Variants in ASAP1 observed in about 807,000 individuals in gnomAD.
ASAP1 encodes the protein arf-GAP with SH3 domain, ANK repeat and PH domain-containing protein 1.
Under a neutral mutation model 145.2 loss-of-function variants are expected in ASAP1, and 43 were observed. The observed-to-expected ratio is 0.30, with a 90% confidence interval of 0.23 to 0.38. The LOEUF is 0.38. Among genes scored for constraint, ASAP1 ranks in the 10% least tolerant of loss-of-function variants. The pLI is 1.00. For synonymous variants in ASAP1, 546 were observed against 515.5 expected (o/e 1.06, Z -0.80); for missense variants, 1,018 against 1,355.3 (o/e 0.75, Z 3.91).
intron 3 of ASAP1, among the ~76,000 whole-genome samples, chr8:130,293,146 T>C (rs1365512920): frequency 6.6e-6 from 1 of 152,224 alleles, no homozygotes; most frequent in African/African-American, 2.4e-5. Flanking sequence ...TTTCCAAAGC[T>C]TGCTTTTCAC....
intron 13 of ASAP1, among the ~76,000 whole-genome samples, chr8:130,152,408 T>C (rs767700972): frequency 5.9e-5 from 9 of 152,184 alleles, no homozygotes; most frequent in Non-Finnish European, 1.2e-4. Flanking sequence ...CTACATTATT[T>C]TTACATGCAA....
At chr8:130,373,109 T>TACACACACACACACACACAC (rs147535116) in intron 2 of ASAP1, among the ~76,000 whole-genome samples, 2 of 127,618 alleles carry the variant, frequency 1.6e-5, no homozygotes, top group Admixed American at 8.0e-5. Flanking sequence ...CAGAAATACA[T>TACACACACACACACACACAC]ATACACACAC....
At chr8:130,060,014 G>A (rs1279452137) in intron 28 of ASAP1, among the ~76,000 whole-genome samples, 2 of 148,910 alleles carry the variant, frequency 1.3e-5, no homozygotes, top group African/African-American at 5.0e-5. Context: ...GGAGACTGAG[G>A]CTGCAGTGAG....
At chr8:130,084,755 T>C (rs1196848592) in intron 25 of ASAP1, 1 of 151,742 alleles carries the variant, frequency 6.6e-6, no homozygotes, top group African/African-American at 2.4e-5. Context: ...CCACTTCCAA[T>C]AAGTAGATAT....
At chr8:130,071,097 C>T (rs2097445559) in intron 27 of ASAP1, among the ~76,000 whole-genome samples, 1 of 148,578 alleles carries the variant, frequency 6.7e-6, no homozygotes, top group East Asian at 2.0e-4. Context: ...TTTTTCTCCC[C>T]TACCCGATGC....
At position 130,053,847 on chromosome 8, in the gene ASAP1, T is replaced by G. The variant is rs2097398009; in HGVS notation, c.*884A>C. ...TGCAACCTTATAATTTCTGCTTTAA[T>G]GGCAATCAAGTTTAAAAAATGTACA... On this transcript the variant is annotated 3_prime_UTR_variant, in exon 30 of 30. Transcript: ENST00000518721. The G allele has an allele frequency of 6.6e-6, 1 of 152,280 alleles. No individual in the cohort carries two copies. The highest frequency in any genetic ancestry group is 2.4e-5 in the African/African-American group (1 of 41,474). The allele number at this position is 152,280 out of a possible 1,614,324, so 9.4% of individuals were successfully genotyped here.
intron 1 of ASAP1, among the ~76,000 whole-genome samples, chr8:130,437,767 G>A (rs1306471400): frequency 2.0e-5 from 3 of 152,074 alleles, no homozygotes; most frequent in African/African-American, 4.8e-5. Context: ...CTGTCTTGAC[G>A]CCCTTCTTCC....
chr8:130,428,875 C>T (rs1313773809), intron 1 of ASAP1, among the ~76,000 whole-genome samples: 1 of 152,128 alleles, frequency 6.6e-6, no homozygotes, highest in African/African-American at 2.4e-5. Flanking sequence ...AATTGGATGG[C>T]TTAAAAGAAC....
intron 25 of ASAP1, among the ~76,000 whole-genome samples, chr8:130,085,546 G>A (rs2097490771): frequency 6.6e-6 from 1 of 151,952 alleles, no homozygotes; most frequent in African/African-American, 2.4e-5. Context: ...ACCAGCCTGG[G>A]CAACATAGTA....
At chr8:130,378,738 C>T (rs970344664) in intron 2 of ASAP1, among the ~76,000 whole-genome samples, 11 of 152,192 alleles carry the variant, frequency 7.2e-5, no homozygotes, top group Non-Finnish European at 1.6e-4. Context: ...CCCTGGGCAC[C>T]GCATGAACAC....
At chr8:130,080,327 TAGG>T (rs1243772095) in intron 25 of ASAP1, among the ~76,000 whole-genome samples, 1 of 152,134 alleles carries the variant, frequency 6.6e-6, no homozygotes, top group Non-Finnish European at 1.5e-5. Context: ...GGCCTCATGC[TAGG>T]AGACTACCCT....
chr8:130,404,028 C>G (rs1480430939), intron 1 of ASAP1, among the ~76,000 whole-genome samples: 1 of 152,162 alleles, frequency 6.6e-6, no homozygotes, highest in Non-Finnish European at 1.5e-5. Context: ...CAGATTAGAT[C>G]ATGGAATTTA....
At chr8:130,163,318 G>C (rs2097673528) in intron 11 of ASAP1, among the ~76,000 whole-genome samples, 1 of 152,158 alleles carries the variant, frequency 6.6e-6, no homozygotes, top group Admixed American at 6.5e-5. Context: ...ATTATATTCT[G>C]TAAATGTATC....
At chr8:130,256,597 G>A (rs1192507118) in intron 3 of ASAP1, among the ~76,000 whole-genome samples, 2 of 151,592 alleles carry the variant, frequency 1.3e-5, no homozygotes, top group Non-Finnish European at 1.5e-5. Flanking sequence ...TTTTGCCTTG[G>A]AGATAAAATT....
chr8:130,160,848 A>G (rs1037048792), intron 11 of ASAP1: 45 of 1,229,696 alleles, frequency 3.7e-5, no homozygotes, highest in Non-Finnish European at 4.6e-5. Context: ...ATTTGAAAAT[A>G]TAGTTAATTT....
intron 2 of ASAP1, among the ~76,000 whole-genome samples, chr8:130,388,675 A>T (rs1182686634): frequency 3.9e-5 from 6 of 152,228 alleles, no homozygotes; most frequent in Admixed American, 6.5e-5. Flanking sequence ...GCTTGGTGTC[A>T]TAGAAGCCAA....
intron 1 of ASAP1, among the ~76,000 whole-genome samples, chr8:130,406,556 A>G (rs1164415003): frequency 6.7e-6 from 1 of 149,540 alleles, no homozygotes; most frequent in Non-Finnish European, 1.5e-5. Context: ...ATCTCTGCTC[A>G]CTGCAACCTC....
At chr8:130,143,096 T>C (rs1041349104) in intron 13 of ASAP1, among the ~76,000 whole-genome samples, 2 of 152,186 alleles carry the variant, frequency 1.3e-5, no homozygotes, top group African/African-American at 4.8e-5. Context: ...GAAATTTGAA[T>C]GGTGAATGGA....
chr8:130,400,976 G>A (rs1439068226), intron 2 of ASAP1, among the ~76,000 whole-genome samples: 1 of 151,856 alleles, frequency 6.6e-6, no homozygotes, highest in Non-Finnish European at 1.5e-5. Flanking sequence ...TGCTTCCGGG[G>A]TTCAAGTGAT....
Sources: gnomAD v4.1 joint callset for allele counts (sites outside exome capture counted in the v4.1 genomes callset) on GRCh38, gnomAD v4.1.1 for gene constraint, MANE v1.5 for transcripts, NCBI Gene and HGNC (gene_info 2026-07-23, HGNC 2026-07-21) for gene names.